The following NEGR1 variants were observed in gnomAD, a reference collection of about 807,000 sequenced individuals.
NEGR1 encodes neuronal growth regulator 1.
Under a neutral mutation model 40.9 loss-of-function variants are expected in NEGR1, and 10 were observed. That is an observed-to-expected ratio of 0.24 (90% CI 0.15 to 0.42). NEGR1 has a LOEUF of 0.42. NEGR1 is among the 10% of genes least tolerant of loss of function. The probability of loss-of-function intolerance (pLI) is 1.00; values close to 1 mark genes in which losing one functional copy is unlikely to be tolerated. For synonymous variants in NEGR1, 185 were observed against 166.8 expected (o/e 1.11, Z -0.84); for missense variants, 352 against 438.9 (o/e 0.80, Z 1.77).
chr1:72,252,308 T>C (rs1427560461), intron 1 of NEGR1, among the ~76,000 whole-genome samples: 1 of 152,082 alleles, frequency 6.6e-6, no homozygotes, highest in Non-Finnish European at 1.5e-5. Context: ...CCTCCCAAAG[T>C]GCTAGGATTA....
At chr1:72,151,854 A>G (rs1002032263) in intron 1 of NEGR1, among the ~76,000 whole-genome samples, 17 of 151,870 alleles carry the variant, frequency 1.1e-4, no homozygotes, top group Non-Finnish European at 2.1e-4. Flanking sequence ...GTAATCCCAA[A>G]GATGTAGACA....
At chr1:71,819,104 G>A (rs1247750018) in intron 2 of NEGR1, among the ~76,000 whole-genome samples, 1 of 151,910 alleles carries the variant, frequency 6.6e-6, no homozygotes, top group South Asian at 2.1e-4. Context: ...CTGAAACTAG[G>A]ATGACTCCTA....
intron 1 of NEGR1, among the ~76,000 whole-genome samples, chr1:72,171,480 A>G (rs1015023827): frequency 1.2e-4 from 18 of 152,176 alleles, no homozygotes; most frequent in Non-Finnish European, 2.4e-4. Flanking sequence ...CGATAGCTAC[A>G]TGTTTACATA....
At chr1:71,481,019 C>T (rs1247231136) in intron 6 of NEGR1, among the ~76,000 whole-genome samples, 8 of 151,768 alleles carry the variant, frequency 5.3e-5, no homozygotes, top group Non-Finnish European at 1.2e-4. Flanking sequence ...ATAGCTAATG[C>T]TTATTAAAAG....
chr1:71,752,626 T>C (rs1347965505), intron 3 of NEGR1, among the ~76,000 whole-genome samples: 1 of 151,922 alleles, frequency 6.6e-6, no homozygotes, highest in African/African-American at 2.4e-5. Context: ...AAATTTTGTT[T>C]AATATATTTC....
chr1:71,768,846 T>A (rs1656219439), intron 3 of NEGR1, among the ~76,000 whole-genome samples: 1 of 152,176 alleles, frequency 6.6e-6, no homozygotes, highest in Non-Finnish European at 1.5e-5. Context: ...ACCATTGCCC[T>A]AGTCCTGCTC....
intron 1 of NEGR1, among the ~76,000 whole-genome samples, chr1:72,050,364 T>C (rs1254065061): frequency 6.6e-6 from 1 of 151,526 alleles, no homozygotes; most frequent in Non-Finnish European, 1.5e-5. Context: ...ACAGCAATTA[T>C]AAAATTGTGT....
At chr1:72,033,082 C>A (rs1209249772) in intron 1 of NEGR1, among the ~76,000 whole-genome samples, 1 of 151,962 alleles carries the variant, frequency 6.6e-6, no homozygotes, top group Non-Finnish European at 1.5e-5. Flanking sequence ...CTCACAGAAT[C>A]AAAATTTTCT....
At chr1:72,224,415 T>C (rs985895663) in intron 1 of NEGR1, among the ~76,000 whole-genome samples, 2 of 152,018 alleles carry the variant, frequency 1.3e-5, no homozygotes, top group African/African-American at 4.8e-5. Context: ...AAATTCTTTC[T>C]GATGAAGGGC....
chr1:71,713,932 C>T (rs1464423544), intron 3 of NEGR1, among the ~76,000 whole-genome samples: 1 of 152,068 alleles, frequency 6.6e-6, no homozygotes, highest in Admixed American at 6.5e-5. Context: ...TTTATGTGAT[C>T]TGGGGCAAAA....
chr1:71,666,894 A>G (rs1409180218), intron 4 of NEGR1, among the ~76,000 whole-genome samples: 6 of 152,218 alleles, frequency 3.9e-5, no homozygotes, highest in African/African-American at 1.4e-4. Context: ...CCAACTATAA[A>G]AACAGTCAGA....
intron 3 of NEGR1, among the ~76,000 whole-genome samples, chr1:71,758,993 T>C (rs1422316191): frequency 6.6e-6 from 1 of 152,200 alleles, no homozygotes; most frequent in Non-Finnish European, 1.5e-5. Context: ...AACATCATGC[T>C]GTTTTTCTCC....
intron 1 of NEGR1, among the ~76,000 whole-genome samples, chr1:72,041,165 G>C (rs1247187285): frequency 6.6e-6 from 1 of 151,846 alleles, no homozygotes; most frequent in Non-Finnish European, 1.5e-5. Flanking sequence ...ATTTAGGGTT[G>C]GCCATCAATT....
chr1:71,408,201 G>A (rs1185485280), intron 6 of NEGR1, among the ~76,000 whole-genome samples: 2 of 149,154 alleles, frequency 1.3e-5, no homozygotes, highest in South Asian at 2.1e-4. Flanking sequence ...TAACATATTC[G>A]AAGGCATAAT....
chr1:71,570,065 A>G (rs569955794), intron 6 of NEGR1, among the ~76,000 whole-genome samples: 87 of 152,314 alleles, frequency 5.7e-4, no homozygotes, highest in African/African-American at 2.1e-3. Context: ...AAACAACAAC[A>G]AAAAAGTTTC....
intron 6 of NEGR1, among the ~76,000 whole-genome samples, chr1:71,544,811 C>T (rs1647833795): frequency 6.6e-6 from 1 of 151,560 alleles, no homozygotes; most frequent in African/African-American, 2.4e-5. Flanking sequence ...TTTATAAGAA[C>T]ACAGCAGGTC....
chr1:71,586,460 A>G, intron 6 of NEGR1, among the ~76,000 whole-genome samples: 1 of 152,178 alleles, frequency 6.6e-6, no homozygotes, highest in East Asian at 1.9e-4. Flanking sequence ...ATTTGGAGGA[A>G]TAAAGGGTTT....
chr1:71,950,780 G>C (rs1646063351), intron 1 of NEGR1, among the ~76,000 whole-genome samples: 1 of 151,950 alleles, frequency 6.6e-6, no homozygotes, highest in Admixed American at 6.6e-5. Flanking sequence ...ACTAAACACA[G>C]AGGTCTATTG....
intron 2 of NEGR1, among the ~76,000 whole-genome samples, chr1:71,906,236 G>T (rs1661270811): frequency 6.6e-6 from 1 of 151,880 alleles, no homozygotes; most frequent in Non-Finnish European, 1.5e-5. Context: ...GACTTGGTGG[G>T]GAGAAGGGGG....
Sources: allele counts gnomAD v4.1 joint callset (sites outside exome capture counted in the v4.1 genomes callset), GRCh38; gene constraint gnomAD v4.1.1; transcripts MANE v1.5; gene names NCBI Gene and HGNC (gene_info 2026-07-23, HGNC 2026-07-21).